PHF2: variants seen among roughly 807,000 people sequenced by gnomAD.
PHF2 encodes the protein lysine-specific demethylase PHF2.
Under a neutral mutation model 120.5 loss-of-function variants are expected in PHF2, and 27 were observed. The observed-to-expected ratio is 0.22, with a 90% CI of 0.17 to 0.31. The LOEUF is 0.31. Among genes scored for constraint, PHF2 ranks in the 10% least tolerant of loss-of-function variants. The pLI, the probability that PHF2 is intolerant of heterozygous loss-of-function variation, is 1.00. For synonymous variants in PHF2, 568 were observed against 592.5 expected (o/e 0.96, Z 0.60); for missense variants, 1,024 against 1,434.8 (o/e 0.71, Z 4.63).
Position 93,607,994 on chromosome 9 carries a change from T to TGA in PHF2, c.99-21961_99-21960dup, listed in dbSNP as rs565100179. Reference sequence around the variant, plus strand: ...GAGATGAGAGAGAGACGGAGGGAGATGAGAGAGAGAGAGAGAAGGAAAGGA... The same window carrying TGA: ...GAGATGAGAGAGAGACGGAGGGAGATGAGAGAGAGAGAGAGAGAAGGAAAGGA... On this transcript the variant is annotated intron_variant, in intron 1 of 21. Transcript: ENST00000359246. Among the ~76,000 whole-genome samples, 11 of 65,682 alleles carry TGA rather than the reference T, an allele frequency of 1.7e-4. No homozygotes were observed. The East Asian group carries it at 2.7e-3, about 16-fold the overall frequency. 43.1% of individuals were successfully genotyped at this position (65,682 alleles called of 152,430 possible). A position where few individuals can be genotyped will look rare whatever the true frequency, so the allele number is the denominator to read the frequency against.
chr9:93,592,540 G>A (rs1432670243), intron 1 of PHF2, among the ~76,000 whole-genome samples: 2 of 152,206 alleles, frequency 1.3e-5, no homozygotes, highest in Non-Finnish European at 2.9e-5. Flanking sequence ...CCTGCTGGGT[G>A]GAGCTTAGGG....
In PHF2 at chr9:93,659,579, C is replaced by T. The variant is rs777210002; in HGVS notation, c.1308C>T (p.Ala436=). The part of the protein sequence containing the change: ...FKPSQLIKDL[A]KEIRLSENAS... Reference sequence around the variant, plus strand: ...CTTCACAGCTAATCAAAGACCTGGCCAAAGAGATCCGGCTCAGTGAGGTGG... The same window carrying T: ...CTTCACAGCTAATCAAAGACCTGGCTAAAGAGATCCGGCTCAGTGAGGTGG... The change falls in exon 11 of 22, where the codon GCC becomes GCT. Residue 436 remains alanine, a synonymous_variant. Transcript: ENST00000359246. 3.1e-6 allele frequency: 5 copies of T among 1,614,086 alleles called. No individual in the cohort carries two copies. The South Asian group carries it at 5.5e-5, about 18-fold the overall frequency.
chr9:93,603,022 G>T (rs1216273696), intron 1 of PHF2, among the ~76,000 whole-genome samples: 1 of 152,106 alleles, frequency 6.6e-6, no homozygotes, highest in African/African-American at 2.4e-5. Context: ...TGGGAGGGGG[G>T]CGCGGAGGTG....
At chr9:93,581,269 C>T (rs1019221214) in intron 1 of PHF2, among the ~76,000 whole-genome samples, 1 of 152,148 alleles carries the variant, frequency 6.6e-6, no homozygotes. Context: ...GAACACCAGG[C>T]GGGGCTGTGG....
chr9:93,591,993 C>T (rs560499147), intron 1 of PHF2, among the ~76,000 whole-genome samples: 14 of 152,254 alleles, frequency 9.2e-5, no homozygotes, highest in African/African-American at 2.7e-4. Context: ...AGCTGCTCAG[C>T]GCCCACTCTG....
At chr9:93,597,500 G>A (rs1426263930) in intron 1 of PHF2, among the ~76,000 whole-genome samples, 1 of 152,042 alleles carries the variant, frequency 6.6e-6, no homozygotes, top group Non-Finnish European at 1.5e-5. Flanking sequence ...AGAGTGTAGG[G>A]CCCTGGAATC....
chr9:93,672,930 G>A (rs563919268), intron 17 of PHF2, among the ~76,000 whole-genome samples: 34 of 151,224 alleles, frequency 2.2e-4, no homozygotes, highest in African/African-American at 8.0e-4. Context: ...GTGAGGGTAG[G>A]TACAGGTGTA....
intron 1 of PHF2, among the ~76,000 whole-genome samples, chr9:93,590,060 C>T (rs1825177720): frequency 6.6e-6 from 1 of 152,226 alleles, no homozygotes; most frequent in African/African-American, 2.4e-5. Context: ...TGTATATCTG[C>T]TGGATATATT....
chr9:93,601,577 G>A (rs2254712), intron 1 of PHF2, among the ~76,000 whole-genome samples: 47,275 of 151,898 alleles, frequency 0.31, 8,131 homozygotes, highest in South Asian at 0.6. Context: ...TTGGCAGGAT[G>A]GTTGGCACCC....
At chr9:93,643,301 C>T (rs530014016) in intron 3 of PHF2, among the ~76,000 whole-genome samples, 18 of 152,340 alleles carry the variant, frequency 1.2e-4, no homozygotes, top group African/African-American at 4.3e-4. Flanking sequence ...TTGGAACTCT[C>T]ACTGCTAGGA....
At chr9:93,585,439 T>C (rs542627980) in intron 1 of PHF2, among the ~76,000 whole-genome samples, 146 of 152,364 alleles carry the variant, frequency 9.6e-4, no homozygotes, top group African/African-American at 3.5e-3. Flanking sequence ...CAAGCACAGT[T>C]ATGGAGCAGT....
chr9:93,669,685 G>A (rs1359397215), intron 17 of PHF2, among the ~76,000 whole-genome samples: 2 of 152,214 alleles, frequency 1.3e-5, no homozygotes, highest in East Asian at 3.9e-4. Flanking sequence ...AGAGCAGTGG[G>A]TTCGGGCCTC....
chr9:93,645,605 C>T, intron 3 of PHF2, 24 bp from the exon 4 acceptor site: 1 of 1,553,476 alleles, frequency 6.4e-7, no homozygotes, highest in South Asian at 1.2e-5. Context: ...CCCAATGTGG[C>T]CTCTGACCTG....
intron 21 of PHF2, 31 bp downstream of exon 21, chr9:93,676,994 C>A (rs1236429383): frequency 5.4e-6 from 8 of 1,488,466 alleles, no homozygotes; most frequent in Non-Finnish European, 7.2e-6. Context: ...AGCCTGCAGC[C>A]CCCCTGCCCT....
intron 17 of PHF2, among the ~76,000 whole-genome samples, chr9:93,670,674 A>G (rs1045487497): frequency 6.6e-6 from 1 of 152,184 alleles, no homozygotes; most frequent in African/African-American, 2.4e-5. Flanking sequence ...AGCAGCACCA[A>G]GCCCCTGGTT....
intron 17 of PHF2, among the ~76,000 whole-genome samples, chr9:93,671,709 C>A (rs1352303003): frequency 1.5e-5 from 2 of 135,838 alleles, no homozygotes; most frequent in Non-Finnish European, 3.2e-5. Context: ...GATGTAGGTA[C>A]AGGTGTAGAT....
rs374342080 is a variant in PHF2, at chr9:93,645,757, C to G, written c.428C>G (p.Thr143Arg). ...CTGGGTCTGGCTGTCCCGGCCCCCACGTTCTATGTCAGTGACGTCGAGAAC... is the reference window on the plus strand; with the variant it reads ...CTGGGTCTGGCTGTCCCGGCCCCCAGGTTCTATGTCAGTGACGTCGAGAAC... ...DGLGLAVPAPTFYVSDVENYV... is the reference protein window; with the variant it reads ...DGLGLAVPAPRFYVSDVENYV... The change falls in exon 4 of 22, where the codon ACG becomes AGG. Residue 143 changes from threonine (T) to arginine (R), a missense_variant. Thr to Arg is a moderately conservative substitution (Grantham distance 71, BLOSUM62 -1). This residue lies in a region of PHF2 where 347 missense variants were observed against 577.4 expected (regional missense o/e 0.60). Transcript: ENST00000359246. 6.2e-7 allele frequency: 1 copy of G among 1,607,238 alleles called. No individual in the cohort carries two copies. The highest frequency in any genetic ancestry group is 1.3e-5 in the African/African-American group (1 of 74,710).
intron 1 of PHF2, among the ~76,000 whole-genome samples, chr9:93,612,853 G>A (rs775868615): frequency 4.6e-5 from 7 of 152,260 alleles, no homozygotes; most frequent in Non-Finnish European, 8.8e-5. Flanking sequence ...GTTGTGAGAA[G>A]GGCCGGTTCT....
At position 93,660,379 on chromosome 9, in the gene PHF2, C is replaced by A; in HGVS notation, c.1517C>A (p.Pro506His). 6.5e-7 allele frequency: 1 copy of A among 1,548,134 alleles called. No individual in the cohort carries two copies. The highest frequency in any genetic ancestry group is 8.7e-7 in the Non-Finnish European group (1 of 1,144,666). ...AAGATGCCCAAGCCATCCAAAATCC[C>A]CAAGCCCCCGAAGCCCCCTAAGCCC... ...TVKMPKPSKI[P>H]KPPKPPKPPR... The change falls in exon 12 of 22, where the codon CCC becomes CAC. Residue 506 changes from proline to histidine, a missense_variant. Physicochemically the swap from Pro to His is moderately conservative, Grantham distance 77. Transcript: ENST00000359246.
Sources: allele counts gnomAD v4.1 joint callset (sites outside exome capture counted in the v4.1 genomes callset), GRCh38; gene constraint gnomAD v4.1.1; regional missense constraint gnomAD v4.1.1; transcripts MANE v1.5; gene names NCBI Gene and HGNC (gene_info 2026-07-23, HGNC 2026-07-21).